Variants in TNIK observed in about 807,000 individuals in gnomAD.
TNIK encodes TRAF2 and NCK-interacting protein kinase.
Under a neutral mutation model 191.3 loss-of-function variants are expected in TNIK, and 49 were observed. The ratio of observed to expected loss-of-function variants is 0.26; its 90% CI spans 0.20 to 0.32. TNIK has a LOEUF of 0.32. Ranked by LOEUF, TNIK falls within the 10% of genes least tolerant of loss-of-function variation. The probability of loss-of-function intolerance (pLI) is 1.00; values close to 1 mark genes in which losing one functional copy is unlikely to be tolerated. For missense variants in TNIK, 1,155 were observed against 1,702.3 expected, an observed-to-expected ratio of 0.68 and a Z score of 5.66; for synonymous variants, 594 against 600.9, an observed-to-expected ratio of 0.99 and a Z score of 0.17.
chr3:171,305,109 G>C (rs539149848), intron 2 of TNIK, among the ~76,000 whole-genome samples: 5 of 147,874 alleles, frequency 3.4e-5, no homozygotes, highest in Admixed American at 2.7e-4. Context: ...AAGTGAGAAG[G>C]GTGCCTGAAA....
chr3:171,077,127 TA>T (rs1308279622), intron 28 of TNIK, among the ~76,000 whole-genome samples: 2 of 146,234 alleles, frequency 1.4e-5, no homozygotes, highest in Non-Finnish European at 3.0e-5. Context: ...TAAGCACATG[TA>T]AACTTTCTGC....
chr3:171,144,781 C>T (rs1175233883), intron 12 of TNIK, among the ~76,000 whole-genome samples: 1 of 152,212 alleles, frequency 6.6e-6, no homozygotes, highest in African/African-American at 2.4e-5. Flanking sequence ...CCTGCCAATC[C>T]TCTGGTAACC....
At position 171,069,885 on chromosome 3, in the gene TNIK, C is replaced by T. The variant is rs114811495; in HGVS notation, c.3550-888G>A. 3.1e-3 allele frequency among the ~76,000 whole-genome samples: 477 copies of T among 152,332 alleles called. 3 individuals are homozygous for T. Among genetic ancestry groups the T allele is most frequent in the African/African-American group, 0.011 (450 of 41,576 alleles). On this transcript the variant is annotated intron_variant, in intron 29 of 32. Transcript: ENST00000436636. ...ATTCTGACAGCATGGGAAGCTCTAG[C>T]GTCCTGTCCTTGTCCTATGGGAAGG...
In TNIK at chr3:171,247,121, T is replaced by C. The variant is rs577798041; in HGVS notation, c.124-18900A>G. Among the ~76,000 whole-genome samples the C allele has an allele frequency of 5.3e-5, 8 of 152,106 alleles. No individual in the cohort carries two copies. In the South Asian group the frequency reaches 1.5e-3, roughly 28 times the overall value. ...ACAGCTTCCTGTGTCACGTAAGGAG[T>C]ACGATGTTAAAGAGTTTACACTTGG... is the stretch of plus-strand genomic sequence containing the variant. On this transcript the variant is annotated intron_variant, in intron 2 of 32. Transcript: ENST00000436636.
At chr3:171,248,910 A>G (rs377643675) in intron 2 of TNIK, among the ~76,000 whole-genome samples, 16 of 152,312 alleles carry the variant, frequency 1.1e-4, no homozygotes, top group African/African-American at 3.4e-4. Context: ...TTTACTTGGT[A>G]CCTTTTTCTT....
At chr3:171,090,377 C>A (rs900049899) in intron 23 of TNIK, among the ~76,000 whole-genome samples, 4 of 152,062 alleles carry the variant, frequency 2.6e-5, no homozygotes, top group African/African-American at 9.7e-5. Flanking sequence ...CTGATACCTA[C>A]CCTCTCCCGA....
At chr3:171,164,844 C>G (rs1209222585) in intron 10 of TNIK, among the ~76,000 whole-genome samples, 1 of 152,250 alleles carries the variant, frequency 6.6e-6, no homozygotes, top group Non-Finnish European at 1.5e-5. Flanking sequence ...TGCCTAGTTC[C>G]TCCAGCTTGG....
In TNIK at chr3:171,460,028, T is replaced by G; in HGVS notation, c.36A>C (p.Glu12Asp). 6.2e-7 allele frequency: 1 copy of G among 1,609,534 alleles called. No homozygotes were observed. The highest frequency in any genetic ancestry group is 8.5e-7 in the Non-Finnish European group (1 of 1,178,018). Reference protein sequence around the residue: ...ASDSPARSLDEIDLSALRDPA... With the variant: ...ASDSPARSLDDIDLSALRDPA... ...TCACCCTCAGAGCCGAGAGATCTAT[T>G]TCATCCAGGCTTCGAGCCGGGGAGT... is the stretch of plus-strand genomic sequence containing the variant. Residue 12 changes from glutamate to aspartate, a missense_variant, in exon 1 of 33, where the codon GAA (glutamate) becomes GAC (aspartate). Physicochemically the swap from Glu to Asp is conservative, Grantham distance 45. Around this residue, in one of 3 missense-constraint regions of TNIK, gnomAD observed 225 missense variants for 438.9 expected, o/e 0.51. Transcript: ENST00000436636. The surrounding 1 kb of genome is among the most constrained non-coding windows in gnomAD (Gnocchi z 6.8).
At chr3:171,278,487 A>T (rs1342018430) in intron 2 of TNIK, among the ~76,000 whole-genome samples, 1 of 152,172 alleles carries the variant, frequency 6.6e-6, no homozygotes, top group Non-Finnish European at 1.5e-5. Context: ...TTTAAAAAAG[A>T]TAAAAAAAAT....
chr3:171,447,094 G>A (rs929061275), intron 1 of TNIK, among the ~76,000 whole-genome samples: 2 of 152,210 alleles, frequency 1.3e-5, no homozygotes, highest in East Asian at 3.8e-4. Context: ...AGGAGGCTGA[G>A]GCGGGAGAAT....
At chr3:171,298,636 G>A (rs1489903224) in intron 2 of TNIK, among the ~76,000 whole-genome samples, 1 of 152,144 alleles carries the variant, frequency 6.6e-6, no homozygotes, top group African/African-American at 2.4e-5. Flanking sequence ...TGTGGCTATA[G>A]GATAGTGAAA....
At chr3:171,423,140 G>A (rs1724047778) in intron 1 of TNIK, among the ~76,000 whole-genome samples, 2 of 152,092 alleles carry the variant, frequency 1.3e-5, no homozygotes, top group Non-Finnish European at 2.9e-5. Flanking sequence ...CAAAGTCTCA[G>A]GGTACAAAAT....
chr3:171,302,035 AAGCCTACC>A (rs754520390), intron 2 of TNIK, among the ~76,000 whole-genome samples: 2 of 152,194 alleles, frequency 1.3e-5, no homozygotes, highest in Non-Finnish European at 2.9e-5. Context: ...TTTAGATGCA[AAGCCTACC>A]AGTGTACATT....
intron 2 of TNIK, among the ~76,000 whole-genome samples, chr3:171,276,036 C>T (rs1385751025): frequency 1.3e-5 from 2 of 152,010 alleles, no homozygotes; most frequent in African/African-American, 4.8e-5. Context: ...AAATGTAGTT[C>T]CTACTGAGAA....
At chr3:171,419,826 T>C (rs1488604794) in intron 1 of TNIK, among the ~76,000 whole-genome samples, 1 of 152,172 alleles carries the variant, frequency 6.6e-6, no homozygotes, top group Non-Finnish European at 1.5e-5. Flanking sequence ...CCATCTGTTT[T>C]TTGAACTGAA....
chr3:171,171,799 C>T (rs567086348), intron 9 of TNIK, among the ~76,000 whole-genome samples: 4 of 152,276 alleles, frequency 2.6e-5, no homozygotes, highest in South Asian at 4.2e-4. Flanking sequence ...AATCTACGCA[C>T]GCACAAGAGA....
intron 3 of TNIK, among the ~76,000 whole-genome samples, chr3:171,218,889 T>A (rs1413813561): frequency 9.5e-6 from 1 of 105,728 alleles, no homozygotes; most frequent in African/African-American, 3.8e-5. Flanking sequence ...TTTTATATAT[T>A]ATATATTTAC....
At chr3:171,323,936 G>C (rs182362031) in intron 2 of TNIK, among the ~76,000 whole-genome samples, 3 of 152,148 alleles carry the variant, frequency 2.0e-5, no homozygotes, top group African/African-American at 7.2e-5. Context: ...GATTTTCTTA[G>C]TGTTTCTAAT....
chr3:171,177,331 G>T lies in TNIK; in HGVS notation c.689C>A (p.Ala230Asp). 6.2e-7 allele frequency: 1 copy of T among 1,607,218 alleles called. No individual in the cohort carries two copies. Among genetic ancestry groups the T allele is most frequent in the Non-Finnish European group, 8.5e-7 (1 of 1,176,942 alleles). The change falls in exon 8 of 33, where the codon GCT (alanine) becomes GAT (aspartate). Residue 230 changes from alanine to aspartate, a missense_variant. Physicochemically the swap from Ala to Asp is moderately radical, Grantham distance 126. This residue lies in a region of TNIK where 225 missense variants were observed against 438.9 expected (regional missense o/e 0.51). Transcript: ENST00000436636. ...CCCCAGAGGAGGGTACTTACGGGGAGCACCTTCTGCCATTTCAATGGCGGT... is the reference window on the plus strand; with the variant it reads ...CCCCAGAGGAGGGTACTTACGGGGATCACCTTCTGCCATTTCAATGGCGGT... ...GITAIEMAEG[A>D]PPLCDMHPMR...
Sources: allele counts gnomAD v4.1 joint callset (sites outside exome capture counted in the v4.1 genomes callset), GRCh38; gene constraint gnomAD v4.1.1; regional missense constraint gnomAD v4.1.1; non-coding constraint Gnocchi (gnomAD v3.1); transcripts MANE v1.5; gene names NCBI Gene and HGNC (gene_info 2026-07-23, HGNC 2026-07-21).